SYNE2: variants seen among roughly 807,000 people sequenced by gnomAD.
The protein encoded by SYNE2 is spectrin repeat containing nuclear envelope protein 2.
Under a neutral mutation model 856.3 loss-of-function variants are expected in SYNE2, and 431 were observed. The observed-to-expected ratio is 0.50, with a 90% CI of 0.47 to 0.55. The LOEUF (loss-of-function observed/expected upper bound fraction) is 0.55, where lower values mean the gene tolerates loss of function less well. Among genes scored for constraint, SYNE2 ranks in the 20% least tolerant of loss-of-function variants. The probability of loss-of-function intolerance (pLI) is 0.00; values close to 1 mark genes in which losing one functional copy is unlikely to be tolerated. For missense variants in SYNE2, 8,129 were observed against 8,023.2 expected, an observed-to-expected ratio of 1.01 and a Z score of -0.50; for synonymous variants, 2,923 against 2,872.3, an observed-to-expected ratio of 1.02 and a Z score of -0.56.
Position 64,195,195 on chromosome 14 carries a change from G to A in SYNE2, c.18038+4958G>A, listed in dbSNP as rs1022278367. Among the ~76,000 whole-genome samples the A allele has an allele frequency of 5.9e-5, 9 of 152,308 alleles. No individual in the cohort carries two copies. In the East Asian group the frequency reaches 1.5e-3, roughly 26 times the overall value. On this transcript the variant is annotated intron_variant, in intron 99 of 115. Transcript: ENST00000555002. ...CAGTATCTGATACAGGTTGGACAGC[G>A]AAGTGGAAAAGCATACCCTCCCAGA...
At chr14:63,959,800 T>G (rs1262068347) in intron 8 of SYNE2, among the ~76,000 whole-genome samples, 1 of 152,180 alleles carries the variant, frequency 6.6e-6, no homozygotes, top group East Asian at 1.9e-4. Context: ...GATGACTGTT[T>G]TAAATACTTT....
At chr14:63,884,345 A>C (rs2094933014) in intron 1 of SYNE2, among the ~76,000 whole-genome samples, 1 of 152,180 alleles carries the variant, frequency 6.6e-6, no homozygotes, top group Non-Finnish European at 1.5e-5. Flanking sequence ...TTACTCGTTG[A>C]GAGTGCTTAA....
chr14:64,124,434 T>C (rs2097921613), intron 70 of SYNE2, among the ~76,000 whole-genome samples: 1 of 150,790 alleles, frequency 6.6e-6, no homozygotes. Context: ...AGGCTGGTCT[T>C]GAACTCCCTT....
chr14:64,109,480 T>G (rs1314208083), intron 65 of SYNE2, among the ~76,000 whole-genome samples: 1 of 152,142 alleles, frequency 6.6e-6, no homozygotes, highest in Non-Finnish European at 1.5e-5. Flanking sequence ...AGCTAGTAAG[T>G]GGCAAAGCTA....
intron 1 of SYNE2, among the ~76,000 whole-genome samples, chr14:63,888,714 C>T (rs889314223): frequency 1.3e-5 from 2 of 152,138 alleles, no homozygotes; most frequent in African/African-American, 4.8e-5. Flanking sequence ...AGTAACAGAA[C>T]ATTTTCTACC....
chr14:64,184,991 C>T (rs559508822), intron 96 of SYNE2, among the ~76,000 whole-genome samples: 3 of 152,334 alleles, frequency 2.0e-5, no homozygotes, highest in South Asian at 4.1e-4. Context: ...CATGGTGGCT[C>T]GCCCTTGTCA....
Position 64,157,398 on chromosome 14 carries a change from C to T in SYNE2, c.15793-1227C>T, listed in dbSNP as rs552567166. ...CTAAGCATAATGTTTTCAAGATCATCGGTGTTGTAGTATTTACAGTACTTC... is the reference window on the plus strand; with the variant it reads ...CTAAGCATAATGTTTTCAAGATCATTGGTGTTGTAGTATTTACAGTACTTC... On this transcript the variant is annotated intron_variant, in intron 85 of 115. Transcript: ENST00000555002. Among the ~76,000 whole-genome samples, 200 of 152,234 alleles carry T rather than the reference C, an allele frequency of 1.3e-3. 2 individuals are homozygous for T. Among genetic ancestry groups the T allele is most frequent in the African/African-American group, 4.5e-3 (185 of 41,532 alleles).
chr14:64,194,373 G>A (rs1276151964), intron 99 of SYNE2, among the ~76,000 whole-genome samples: 3 of 151,880 alleles, frequency 2.0e-5, no homozygotes, highest in Non-Finnish European at 4.4e-5. Flanking sequence ...GCTCACTGCA[G>A]CCTCTACCTT....
At chr14:63,866,839 G>T (rs966237577) in intron 1 of SYNE2, among the ~76,000 whole-genome samples, 51 of 152,152 alleles carry the variant, frequency 3.4e-4, no homozygotes, top group Non-Finnish European at 2.5e-4. Context: ...AGGTGTGGTG[G>T]CACACAACTG....
chr14:64,189,593 T>A (rs1049645395), intron 98 of SYNE2, among the ~76,000 whole-genome samples: 1 of 152,248 alleles, frequency 6.6e-6, no homozygotes, highest in Non-Finnish European at 1.5e-5. Flanking sequence ...TAAATAACTA[T>A]TAAAAATAAT....
At chr14:64,063,862 C>A (rs1333088027) in intron 50 of SYNE2, among the ~76,000 whole-genome samples, 3 of 152,140 alleles carry the variant, frequency 2.0e-5, no homozygotes, top group Non-Finnish European at 4.4e-5. Flanking sequence ...TTCCAAGACA[C>A]CCAGTGGATG....
Position 64,134,093 on chromosome 14 carries a change from T to C in SYNE2, c.14539T>C (p.Tyr4847His). The stretch of plus-strand genomic sequence containing the variant: ...GAAATGGGAAGAATTTGATGAAAAC[T>C]ATGCATCTCTTGAAAAGGACCTGGA... ...LQKWEEFDENYASLEKDLEIL... is the reference protein window; with the variant it reads ...LQKWEEFDENHASLEKDLEIL... Residue 4847 changes from tyrosine (Y) to histidine (H), a missense_variant, in exon 78 of 116, where the codon TAT becomes CAT. This residue lies in a region of SYNE2 where 5,410 missense variants were observed against 5,284.8 expected (regional missense o/e 1.02). Coordinates refer to ENST00000555002, the MANE Select transcript of SYNE2 (RefSeq NM_182914.3). The C allele has an allele frequency of 1.2e-6, 2 of 1,614,138 alleles. No homozygotes were observed. The highest frequency in any genetic ancestry group is 1.1e-5 in the South Asian group (1 of 91,082).
chr14:63,900,999 G>A lies in SYNE2; in HGVS notation c.-51-8099G>A, dbSNP rs1336141860. Among the ~76,000 whole-genome samples the A allele has an allele frequency of 2.6e-5, 4 of 152,186 alleles. 1 individual carries two copies. On this transcript the variant is annotated intron_variant, in intron 1 of 115. Coordinates refer to ENST00000555002, the MANE Select transcript of SYNE2 (RefSeq NM_182914.3). ...GAGAGACACCCCAGGGAAAATGCTG[G>A]CTTTAAAATCACTCTGTTAAAGAAA...
At chr14:64,124,572 A>G (rs1049859900) in intron 70 of SYNE2, among the ~76,000 whole-genome samples, 1 of 152,074 alleles carries the variant, frequency 6.6e-6, no homozygotes, top group East Asian at 1.9e-4. Flanking sequence ...TCTAAATATA[A>G]CTAGTCATGA....
At chr14:64,012,028 A>T (rs2096850310) in intron 32 of SYNE2, among the ~76,000 whole-genome samples, 1 of 152,126 alleles carries the variant, frequency 6.6e-6, no homozygotes, top group East Asian at 1.9e-4. Context: ...GTATGGAGGG[A>T]TTCCATTCAA....
At chr14:63,867,394 AAAAAGAG>A (rs1348202420) in intron 1 of SYNE2, among the ~76,000 whole-genome samples, 3 of 148,876 alleles carry the variant, frequency 2.0e-5, no homozygotes, top group Admixed American at 1.4e-4. Context: ...AAAAAAAAAA[AAAAAGAG>A]AGAGAGAGAG....
chr14:63,954,999 C>A, intron 8 of SYNE2, 84 bp downstream of exon 8: 4 of 1,113,580 alleles, frequency 3.6e-6, no homozygotes, highest in Non-Finnish European at 5.3e-6. Context: ...CATGAATAAA[C>A]ATAGTGGCAC....
intron 29 of SYNE2, among the ~76,000 whole-genome samples, 195 bp downstream of exon 29, chr14:64,002,276 G>A (rs1208595520): frequency 2.0e-5 from 3 of 152,030 alleles, no homozygotes; most frequent in South Asian, 4.2e-4. Context: ...GGTGGGCACC[G>A]TGGAGTGCAT....
chr14:64,145,611 T>G (rs1421479742), intron 83 of SYNE2, among the ~76,000 whole-genome samples: 1 of 152,062 alleles, frequency 6.6e-6, no homozygotes, highest in Non-Finnish European at 1.5e-5. Flanking sequence ...AATAAAAAAT[T>G]TATTATGAAT....
Sources: allele counts gnomAD v4.1 joint callset (sites outside exome capture counted in the v4.1 genomes callset), GRCh38; gene constraint gnomAD v4.1.1; regional missense constraint gnomAD v4.1.1; transcripts MANE v1.5; gene names NCBI Gene and HGNC (gene_info 2026-07-23, HGNC 2026-07-21).